The following CACNB4 variants were observed in gnomAD, a reference collection of about 807,000 sequenced individuals.
CACNB4 encodes calcium voltage-gated channel auxiliary subunit beta 4.
CACNB4 carries 32 observed loss-of-function variants against 71.2 expected under a neutral mutation model. The observed-to-expected ratio is 0.45, with a 90% CI of 0.34 to 0.60. CACNB4 has a LOEUF of 0.60. CACNB4 is among the 20% of genes least tolerant of loss of function. CACNB4 has a pLI of 0.01. For missense variants in CACNB4, 464 were observed against 647.9 expected, an observed-to-expected ratio of 0.72 and a Z score of 3.08; for synonymous variants, 231 against 236.9, an observed-to-expected ratio of 0.97 and a Z score of 0.23.
Position 151,954,850 on chromosome 2 carries a change from C to CTTTTTTTTTT in CACNB4, c.148-71490_148-71481dup, listed in dbSNP as rs34054917. On this transcript the variant is annotated intron_variant, in intron 2 of 13. Transcript: ENST00000539935. ...CAGCATTTACTGTGACAAGTCAGCA[C>CTTTTTTTTTT]TTTTTTTTTTTTTTTTTTTTTGAGA... is the stretch of plus-strand genomic sequence containing the variant. Among the ~76,000 whole-genome samples the CTTTTTTTTTT allele has an allele frequency of 1.1e-4, 10 of 94,924 alleles. 1 individual carries two copies. The highest frequency in any genetic ancestry group is 2.9e-4 in the East Asian group (1 of 3,474). The allele number at this position is 94,924 out of a possible 152,430, so 62.3% of individuals were successfully genotyped here. A position where few individuals can be genotyped will look rare whatever the true frequency, so the allele number is the denominator to read the frequency against.
chr2:152,074,555 G>A (rs914551510), intron 2 of CACNB4, among the ~76,000 whole-genome samples: 1 of 142,890 alleles, frequency 7.0e-6, no homozygotes, highest in Non-Finnish European at 1.5e-5. Context: ...CACCACAACC[G>A]TCACCACTGT....
chr2:151,882,546 G>A (rs1271490184), intron 3 of CACNB4, among the ~76,000 whole-genome samples: 1 of 151,998 alleles, frequency 6.6e-6, no homozygotes, highest in Admixed American at 6.6e-5. Context: ...AATTTCATTG[G>A]ACAAAAAGGG....
intron 3 of CACNB4, among the ~76,000 whole-genome samples, chr2:151,881,493 A>G (rs1291317676): frequency 2.0e-5 from 3 of 152,184 alleles, no homozygotes; most frequent in Non-Finnish European, 4.4e-5. Flanking sequence ...CTGGTTTTGA[A>G]ACTCTTTTTA....
chr2:152,044,581 C>G (rs1328600287), intron 2 of CACNB4, among the ~76,000 whole-genome samples: 7 of 152,148 alleles, frequency 4.6e-5, no homozygotes, highest in African/African-American at 1.7e-4. Flanking sequence ...GGAGAAATCA[C>G]TATTACTCCC....
chr2:151,972,342 G>C (rs979733467), intron 2 of CACNB4: 9 of 152,236 alleles, frequency 5.9e-5, no homozygotes, highest in Non-Finnish European at 1.2e-4. Context: ...GAGCAGAGAA[G>C]GGGTAGAAGA....
At chr2:151,945,895 A>T (rs960677432) in intron 2 of CACNB4, among the ~76,000 whole-genome samples, 5 of 149,078 alleles carry the variant, frequency 3.4e-5, no homozygotes, top group African/African-American at 1.2e-4. Flanking sequence ...AAAAAAAAAG[A>T]ATTACATGTG....
At chr2:151,877,709 G>A (rs1044043235) in intron 4 of CACNB4, among the ~76,000 whole-genome samples, 42 of 152,126 alleles carry the variant, frequency 2.8e-4, no homozygotes, top group African/African-American at 8.7e-4. Context: ...AAGTCTGAGC[G>A]TATTATATAT....
In CACNB4 at chr2:152,073,829, C is replaced by T. The variant is rs1579247799; in HGVS notation, c.147+24501G>A. Among the ~76,000 whole-genome samples the T allele has an allele frequency of 3.9e-5, 6 of 152,250 alleles. No homozygotes were observed. The East Asian group carries it at 1.2e-3, about 29-fold the overall frequency. ...AAATGCAATCCTCTAGCATTAAACGCTCTTATTTGACAACAATGCAACGGC... is the reference window on the plus strand; with the variant it reads ...AAATGCAATCCTCTAGCATTAAACGTTCTTATTTGACAACAATGCAACGGC... On this transcript the variant is annotated intron_variant, in intron 2 of 13. Coordinates refer to ENST00000539935, the MANE Select transcript of CACNB4 (RefSeq NM_000726.5).
chr2:151,917,476 G>A (rs778780481), intron 2 of CACNB4, among the ~76,000 whole-genome samples: 2 of 152,150 alleles, frequency 1.3e-5, no homozygotes, highest in Non-Finnish European at 2.9e-5. Context: ...GCTCCGCACA[G>A]GGCAGACCCA....
intron 10 of CACNB4, chr2:151,859,514 C>T (rs144112763): frequency 1.3e-5 from 2 of 152,298 alleles, no homozygotes; most frequent in African/African-American, 4.8e-5. Flanking sequence ...CCCTGTCACC[C>T]ATGATATTTA....
At chr2:152,064,237 T>C (rs1425004638) in intron 2 of CACNB4, among the ~76,000 whole-genome samples, 5 of 152,244 alleles carry the variant, frequency 3.3e-5, no homozygotes, top group African/African-American at 1.2e-4. Flanking sequence ...GTCTCCCACG[T>C]GGACTTTGGC....
intron 2 of CACNB4, among the ~76,000 whole-genome samples, chr2:151,999,778 T>A (rs1299915150): frequency 6.6e-6 from 1 of 150,868 alleles, no homozygotes; most frequent in Non-Finnish European, 1.5e-5. Flanking sequence ...AGGACATAAC[T>A]AGTACTTTGC....
intron 5 of CACNB4, chr2:151,873,498 T>C (rs1347878518): frequency 6.6e-6 from 1 of 152,080 alleles, no homozygotes; most frequent in South Asian, 2.1e-4. Flanking sequence ...CCAAACAAGA[T>C]AGATAGGTAA....
chr2:151,916,260 C>T (rs2099857494), intron 2 of CACNB4, among the ~76,000 whole-genome samples: 1 of 152,140 alleles, frequency 6.6e-6, no homozygotes, highest in South Asian at 2.1e-4. Flanking sequence ...ATTATATTCT[C>T]TTATCTCCTT....
chr2:152,003,716 A>G (rs1682559020), intron 2 of CACNB4, among the ~76,000 whole-genome samples: 1 of 152,102 alleles, frequency 6.6e-6, no homozygotes, highest in Non-Finnish European at 1.5e-5. Context: ...TCATCATTGT[A>G]TTGACTATAT....
intron 2 of CACNB4, among the ~76,000 whole-genome samples, chr2:151,994,269 G>A (rs1172972994): frequency 2.6e-5 from 4 of 151,690 alleles, no homozygotes; most frequent in East Asian, 3.9e-4. Context: ...TCACTCTGTC[G>A]CCCAGGCTGG....
intron 2 of CACNB4, among the ~76,000 whole-genome samples, chr2:152,045,076 G>A (rs1685082120): frequency 6.6e-6 from 1 of 152,134 alleles, no homozygotes; most frequent in South Asian, 2.1e-4. Flanking sequence ...GAAAAAAAAT[G>A]ATTGCCACCA....
intron 7 of CACNB4, 72 bp from the exon 8 acceptor site, chr2:151,870,683 A>G (rs924619403): frequency 4.8e-5 from 64 of 1,343,068 alleles, no homozygotes; most frequent in Non-Finnish European, 6.6e-5. Context: ...AACATTCATA[A>G]TTTCATAATT....
chr2:151,912,706 G>A (rs928893614), intron 2 of CACNB4, among the ~76,000 whole-genome samples: 4 of 152,186 alleles, frequency 2.6e-5, no homozygotes, highest in Non-Finnish European at 5.9e-5. Flanking sequence ...CTGAGTTCAA[G>A]TCCTGAATAT....
Sources: allele counts gnomAD v4.1 joint callset (sites outside exome capture counted in the v4.1 genomes callset), GRCh38; gene constraint gnomAD v4.1.1; transcripts MANE v1.5; gene names NCBI Gene and HGNC (gene_info 2026-07-23, HGNC 2026-07-21).